Variants in EPG5 observed in about 807,000 individuals in gnomAD.
EPG5 encodes the protein ectopic P-granules 5 autophagy tethering factor.
In EPG5, 159 loss-of-function variants were observed where a neutral mutation model predicts 302.7. The ratio of observed to expected loss-of-function variants is 0.53; its 90% CI spans 0.46 to 0.60. EPG5 has a LOEUF of 0.60. Among genes scored for constraint, EPG5 ranks in the 20% least tolerant of loss-of-function variants. The pLI is 0.00. For synonymous variants in EPG5, 1,158 were observed against 1,136.8 expected (o/e 1.02, Z -0.37); for missense variants, 2,896 against 3,092.4 (o/e 0.94, Z 1.51).
At chr18:45,966,333 G>A (rs927864142) in intron 1 of EPG5, among the ~76,000 whole-genome samples, 50 of 146,484 alleles carry the variant, frequency 3.4e-4, no homozygotes, top group African/African-American at 1.3e-3. Context: ...CCGAGATCGC[G>A]CCACTGCACT....
intron 1 of EPG5, 77 bp downstream of exon 1, chr18:45,967,100 G>T: frequency 7.0e-7 from 1 of 1,428,668 alleles, no homozygotes; most frequent in Non-Finnish European, 9.5e-7. Flanking sequence ...GAGTAGAATT[G>T]GCTGGGGAGG....
chr18:45,947,345 A>T (rs1234692299), intron 6 of EPG5, among the ~76,000 whole-genome samples: 1 of 152,114 alleles, frequency 6.6e-6, no homozygotes, highest in African/African-American at 2.4e-5. Flanking sequence ...CCCAGGAGGC[A>T]GAGGTTGCAG....
intron 24 of EPG5, among the ~76,000 whole-genome samples, chr18:45,907,000 G>A (rs756884444): frequency 1.2e-4 from 18 of 152,166 alleles, no homozygotes; most frequent in South Asian, 2.1e-4. Context: ...TTAGTCTCCT[G>A]TTGGCCAATA....
At chr18:45,950,375 G>C (rs2050880173) in intron 4 of EPG5, among the ~76,000 whole-genome samples, 1 of 152,100 alleles carries the variant, frequency 6.6e-6, no homozygotes, top group Admixed American at 6.5e-5. Context: ...AATCATGGGG[G>C]CCGGTCTTTC....
the EPG5 span, chr18:45,838,879 C>T: frequency 1.3e-6 from 2 of 1,591,930 alleles, no homozygotes; most frequent in Non-Finnish European, 8.5e-7. Context: ...GGGTCACGGC[C>T]ACCTAGTGAC....
chr18:45,804,148 A>C, the EPG5 span, among the ~76,000 whole-genome samples: 1 of 152,234 alleles, frequency 6.6e-6, no homozygotes, highest in East Asian at 1.9e-4. Context: ...TAAAAAATAC[A>C]GTATCTAATT....
chr18:45,954,931 T>C lies in EPG5; in HGVS notation c.471A>G (p.Gln157=), dbSNP rs200644937. The change falls in exon 2 of 44, where the codon CAA becomes CAG. Residue 157 remains glutamine, a synonymous_variant. Coordinates refer to ENST00000282041, the MANE Select transcript of EPG5 (RefSeq NM_020964.3). ...CTGGCTGAGTATAAGAAAAATTAGA[T>C]TGGGGTGCACTTTCTGAAAGTCCAC... ...VQGGLSESAP[Q]SNFSYTQPAM... is the part of the protein sequence containing the mutation. 3.1e-6 allele frequency: 5 copies of C among 1,613,512 alleles called. No homozygotes were observed. In the African/African-American group the frequency reaches 5.3e-5, roughly 17 times the overall value.
At chr18:45,841,964 C>T in the EPG5 span, 2 of 763,348 alleles carry the variant, frequency 2.6e-6, no homozygotes, top group South Asian at 1.6e-5. Flanking sequence ...CCTCCGATGC[C>T]ATTCATCTCT....
At chr18:45,842,263 C>CA in the EPG5 span, 4 of 1,545,642 alleles carry the variant, frequency 2.6e-6, no homozygotes, top group African/African-American at 1.4e-5. Flanking sequence ...CTGGCACAGC[C>CA]AGTCCTGGTT....
intron 18 of EPG5, 49 bp downstream of exon 18, chr18:45,916,389 G>A: frequency 6.3e-7 from 1 of 1,590,960 alleles, no homozygotes; most frequent in Non-Finnish European, 8.6e-7. Context: ...TAGAGGTCTT[G>A]GTTGGGAAGA....
chr18:45,941,086 C>T (rs904469574), intron 9 of EPG5, among the ~76,000 whole-genome samples: 1 of 151,974 alleles, frequency 6.6e-6, no homozygotes, highest in Non-Finnish European at 1.5e-5. Context: ...TCTCAAAAAG[C>T]AAGTGTAGAT....
chr18:45,862,462 G>A (rs915735324), intron 39 of EPG5, among the ~76,000 whole-genome samples: 1 of 152,200 alleles, frequency 6.6e-6, no homozygotes, highest in Non-Finnish European at 1.5e-5. Flanking sequence ...TTGAACCGTA[G>A]TCCCCAATGT....
chr18:45,938,413 G>C (rs1389973552), intron 10 of EPG5, among the ~76,000 whole-genome samples: 1 of 145,048 alleles, frequency 6.9e-6, no homozygotes, highest in Non-Finnish European at 1.5e-5. Context: ...AGTGAGCCAA[G>C]ATCATGCTAC....
At chr18:45,953,764 G>A (rs2050962398) in intron 2 of EPG5, 1 of 985,110 alleles carries the variant, frequency 1.0e-6, no homozygotes. Flanking sequence ...TTGTCCACTG[G>A]CATCATCCTG....
At chr18:45,857,779 T>C in intron 42 of EPG5, 74 bp downstream of exon 42, 3 of 1,192,502 alleles carry the variant, frequency 2.5e-6, no homozygotes, top group Non-Finnish European at 3.7e-6. Context: ...TACTGAAGTA[T>C]ATCACAACCT....
At chr18:45,912,547 C>T (rs2049930317) in intron 21 of EPG5, 91 bp from the exon 22 acceptor site, 9 of 1,220,156 alleles carry the variant, frequency 7.4e-6, no homozygotes, top group Non-Finnish European at 1.0e-5. Context: ...AAACACCAAA[C>T]ATTCTGTTTT....
At position 45,914,602 on chromosome 18, in the gene EPG5, A is replaced by G. The variant is rs919120014; in HGVS notation, c.3694-774T>C. On this transcript the variant is annotated intron_variant, in intron 20 of 43. Coordinates refer to ENST00000282041, the MANE Select transcript of EPG5 (RefSeq NM_020964.3). ...AAATGCTTTACATATAGGTGCCATC[A>G]TTATTCCCATTTGACAATTGAGAAA... 2.6e-5 allele frequency among the ~76,000 whole-genome samples: 4 copies of G among 152,388 alleles called. No homozygotes were observed. In the East Asian group the frequency reaches 7.7e-4, roughly 29 times the overall value.
intron 14 of EPG5, among the ~76,000 whole-genome samples, chr18:45,924,991 C>T (rs1182170709): frequency 6.6e-6 from 1 of 152,220 alleles, no homozygotes. Flanking sequence ...CAGAGTCACA[C>T]AGCCAGAAGG....
In EPG5 at chr18:45,947,935, C is replaced by T. The variant is rs149007602; in HGVS notation, c.1571+568G>A. Among the ~76,000 whole-genome samples, 796 of 152,152 alleles carry T rather than the reference C, an allele frequency of 5.2e-3. 6 individuals carry two copies. The highest frequency in any genetic ancestry group is 0.018 in the African/African-American group (741 of 41,500). ...TTATAGGTGATTACACCACCATGCC[C>T]GGCTAATTTTTGTATTTTTAGTAGA... On this transcript the variant is annotated intron_variant, in intron 6 of 43. Coordinates refer to ENST00000282041, the MANE Select transcript of EPG5 (RefSeq NM_020964.3).
Sources: gnomAD v4.1 joint callset for allele counts (sites outside exome capture counted in the v4.1 genomes callset) on GRCh38, gnomAD v4.1.1 for gene constraint, MANE v1.5 for transcripts, NCBI Gene and HGNC (gene_info 2026-07-23, HGNC 2026-07-21) for gene names.